CACNA1A: variants seen among roughly 807,000 people sequenced by gnomAD.
The protein encoded by CACNA1A is voltage-dependent P/Q-type calcium channel subunit alpha-1A.
CACNA1A carries 57 observed loss-of-function variants against 262.4 expected under a neutral mutation model. The ratio of observed to expected loss-of-function variants is 0.22; its 90% CI spans 0.18 to 0.27. CACNA1A has a LOEUF of 0.27. Among genes scored for constraint, CACNA1A ranks in the 10% least tolerant of loss-of-function variants. The pLI, the probability that CACNA1A is intolerant of heterozygous loss-of-function variation, is 1.00. For missense variants in CACNA1A, 2,526 were observed against 3,562.8 expected (o/e 0.71, Z 7.41); for synonymous variants, 1,431 against 1,419.3 (o/e 1.01, Z -0.18).
At chr19:13,383,893 C>T (rs922417061) in intron 3 of CACNA1A, among the ~76,000 whole-genome samples, 2 of 152,182 alleles carry the variant, frequency 1.3e-5, no homozygotes, top group Non-Finnish European at 2.9e-5. Context: ...CAGCTCACTG[C>T]GGACTTGACC....
intron 30 of CACNA1A, among the ~76,000 whole-genome samples, chr19:13,250,146 G>A (rs148577548): frequency 0.019 from 2,862 of 150,688 alleles, 43 homozygotes; most frequent in Non-Finnish European, 0.03. Flanking sequence ...TGCAACCTCC[G>A]CCTCACAGGT....
At chr19:13,395,984 C>T (rs987642214) in intron 3 of CACNA1A, among the ~76,000 whole-genome samples, 1 of 152,238 alleles carries the variant, frequency 6.6e-6, no homozygotes, top group African/African-American at 2.4e-5. Context: ...ATTTCTACAC[C>T]GCTGTCCATA....
At position 13,207,285 on chromosome 19, in the gene CACNA1A, G is replaced by T. The variant is rs1194104956; in HGVS notation, c.*28C>A. ...GGGTGTGTGCGTGGGGTGCGTGGGG[G>T]GCCGGGCGGGCGCCACCTCGCCCGG... On this transcript the variant is annotated 3_prime_UTR_variant, in exon 47 of 47. Coordinates refer to ENST00000360228, the MANE Select transcript of CACNA1A (RefSeq NM_001127222.2). The surrounding 1 kb of genome is among the most constrained non-coding windows in gnomAD (Gnocchi z 5.7). 2 of 1,528,466 alleles carry T rather than the reference G, an allele frequency of 1.3e-6. No individual in the cohort carries two copies. The highest frequency in any genetic ancestry group is 1.7e-6 in the Non-Finnish European group (2 of 1,143,766). 94.7% of individuals were successfully genotyped at this position (1,528,466 alleles called of 1,614,324 possible). A position where few individuals can be genotyped will look rare whatever the true frequency, so the allele number is the denominator to read the frequency against.
At chr19:13,453,256 T>C (rs1025672111) in intron 2 of CACNA1A, among the ~76,000 whole-genome samples, 1 of 152,182 alleles carries the variant, frequency 6.6e-6, no homozygotes, top group Non-Finnish European at 1.5e-5. Context: ...CACATATCAC[T>C]CAGCTAAACA....
chr19:13,306,954 A>C (rs903178319), intron 15 of CACNA1A, among the ~76,000 whole-genome samples: 1 of 151,940 alleles, frequency 6.6e-6, no homozygotes, highest in Non-Finnish European at 1.5e-5. Context: ...AGGATCTGTG[A>C]GTATAACAAA....
At chr19:13,422,586 T>C (rs145682481) in intron 3 of CACNA1A, among the ~76,000 whole-genome samples, 107 of 152,316 alleles carry the variant, frequency 7.0e-4, no homozygotes, top group Middle Eastern at 3.4e-3. Flanking sequence ...ATCTAGGGCT[T>C]TGGGCCATGC....
At position 13,231,906 on chromosome 19, in the gene CACNA1A, G is replaced by A. The variant is rs528384088; in HGVS notation, c.5250-46C>T. 58 of 1,577,490 alleles carry A rather than the reference G, an allele frequency of 3.7e-5. 2 individuals carry two copies. The South Asian group carries it at 6.7e-4, about 18-fold the overall frequency. ...GAGACTCGGACACCCAGCCCTGACT[G>A]GGTACCAACGCCTCCCCAGGAGGTG... On this transcript the variant is annotated intron_variant, in intron 34 of 46. Transcript: ENST00000360228.
chr19:13,320,396 A>G (rs2058229599), intron 10 of CACNA1A, among the ~76,000 whole-genome samples: 1 of 152,216 alleles, frequency 6.6e-6, no homozygotes, highest in African/African-American at 2.4e-5. Flanking sequence ...GGAGACAACC[A>G]CACTTCCTAC....
At chr19:13,468,095 T>C (rs1328298571) in intron 1 of CACNA1A, among the ~76,000 whole-genome samples, 1 of 151,490 alleles carries the variant, frequency 6.6e-6, no homozygotes. Context: ...AACACACAAA[T>C]ACACAAAAGT....
rs752824390 is a variant in CACNA1A at position 13,298,868 on chromosome 19, C to T, written c.2765G>A (p.Arg922Gln). The part of the protein sequence containing the change: ...QPGFWEGEAE[R>Q]GKAGDPHRRH... ...CCGGTGGGGGTCCCCGGCCTTGCCTCGCTCGGCCTCGCCCTCCCAGAACCC... is the reference window on the plus strand; with the variant it reads ...CCGGTGGGGGTCCCCGGCCTTGCCTTGCTCGGCCTCGCCCTCCCAGAACCC... Residue 922 changes from arginine (R) to glutamine (Q), a missense_variant, in exon 19 of 47, where the codon CGA becomes CAA. Physicochemically the swap from Arg to Gln is conservative, Grantham distance 43. Transcript: ENST00000360228. The T allele has an allele frequency of 1.9e-6, 3 of 1,591,598 alleles. No individual in the cohort carries two copies. The highest frequency in any genetic ancestry group is 1.8e-4 in the Middle Eastern group (1 of 5,588).
At chr19:13,224,835 C>T (rs1029228973) in intron 37 of CACNA1A, 63 bp from the exon 38 acceptor site, 55 of 1,199,252 alleles carry the variant, frequency 4.6e-5, no homozygotes, top group Non-Finnish European at 5.3e-5. Flanking sequence ...TCCCGTGAGC[C>T]GCGCCCGCCC....
chr19:13,359,868 A>C (rs888400097), intron 5 of CACNA1A, 69 bp from the exon 6 acceptor site: 4 of 1,049,740 alleles, frequency 3.8e-6, no homozygotes, highest in Non-Finnish European at 5.5e-6. Context: ...AATAGGGACC[A>C]GTGACTCTAT....
rs566746280 is a variant in CACNA1A at position 13,212,944 on chromosome 19, C to G, written c.5941-204G>C. 6.6e-6 allele frequency among the ~76,000 whole-genome samples: 1 copy of G among 152,146 alleles called. No individual in the cohort carries two copies. Among genetic ancestry groups the G allele is most frequent in the East Asian group, 1.9e-4 (1 of 5,184 alleles). ...CCAAGTCATAGCCCCAGCCTGGTCC[C>G]ACGTCCTCATCTCTCACTGCAGGCA... is the stretch of plus-strand genomic sequence containing the variant. On this transcript the variant is annotated intron_variant, in intron 40 of 46. Transcript: ENST00000360228. The surrounding 1 kb of genome is among the most constrained non-coding windows in gnomAD (Gnocchi z 5.6).
intron 3 of CACNA1A, among the ~76,000 whole-genome samples, chr19:13,384,324 G>A (rs1447319585): frequency 6.6e-6 from 1 of 152,154 alleles, no homozygotes; most frequent in African/African-American, 2.4e-5. Flanking sequence ...AAAAAGCCAA[G>A]GGTCCCCAGT....
chr19:13,307,766 C>T lies in CACNA1A; in HGVS notation c.1986+16G>A, dbSNP rs1434708569. The T allele has an allele frequency of 6.2e-7, 1 of 1,612,626 alleles. No individual in the cohort carries two copies. The highest frequency in any genetic ancestry group is 2.2e-5 in the East Asian group (1 of 44,894). On this transcript the variant is annotated intron_variant, in intron 15 of 46. Transcript: ENST00000360228. ...ACTGAGAGGTGTTGGCCCGTGGGGC[C>T]AGGTGGAGGCTGTACCTGAAACACC...
chr19:13,318,661 G>A (rs1001337853), intron 10 of CACNA1A, among the ~76,000 whole-genome samples: 3 of 152,042 alleles, frequency 2.0e-5, no homozygotes, highest in African/African-American at 7.2e-5. Flanking sequence ...TAGTTAAGCG[G>A]GGAGGATTTG....
intron 4 of CACNA1A, among the ~76,000 whole-genome samples, chr19:13,367,857 C>G (rs1316162990): frequency 4.6e-5 from 7 of 152,180 alleles, no homozygotes; most frequent in Admixed American, 4.6e-4. Context: ...AGCTCTTATC[C>G]TACCAAGCTC....
intron 34 of CACNA1A, among the ~76,000 whole-genome samples, chr19:13,232,781 G>A (rs2055716366): frequency 6.6e-6 from 1 of 150,450 alleles, no homozygotes; most frequent in Non-Finnish European, 1.5e-5. Flanking sequence ...GGGTGCAGTG[G>A]CTCATGCCTG....
chr19:13,229,500 G>A (rs144129132), intron 36 of CACNA1A, among the ~76,000 whole-genome samples: 116 of 152,254 alleles, frequency 7.6e-4, no homozygotes, highest in African/African-American at 2.7e-3. Context: ...AGTGGAGAGG[G>A]ACCCCTCTGG....
Sources: allele counts gnomAD v4.1 joint callset (sites outside exome capture counted in the v4.1 genomes callset), GRCh38; gene constraint gnomAD v4.1.1; non-coding constraint Gnocchi (gnomAD v3.1); transcripts MANE v1.5; gene names NCBI Gene and HGNC (gene_info 2026-07-23, HGNC 2026-07-21).